Variants in GLIS3 observed in about 807,000 individuals in gnomAD.
GLIS3 encodes zinc finger protein GLIS3.
A neutral mutation model predicts 78.6 loss-of-function variants in GLIS3; 53 were observed. The ratio of observed to expected loss-of-function variants is 0.67; its 90% CI spans 0.54 to 0.85. GLIS3 has a LOEUF of 0.85. GLIS3 is among the 40% of genes least tolerant of loss of function. GLIS3 has a pLI of 0.00. For missense variants in GLIS3, 1,703 were observed against 1,231.1 expected, an observed-to-expected ratio of 1.38 and a Z score of -5.74; for synonymous variants, 684 against 509.9, an observed-to-expected ratio of 1.34 and a Z score of -4.60.
intron 2 of GLIS3, among the ~76,000 whole-genome samples, chr9:4,146,803 G>C (rs1226007976): frequency 6.6e-6 from 1 of 152,144 alleles, no homozygotes; most frequent in African/African-American, 2.4e-5. Context: ...CAGTTCTCTA[G>C]ATAAACACAG....
intron 4 of GLIS3, among the ~76,000 whole-genome samples, chr9:4,048,079 C>A (rs890350083): frequency 2.0e-5 from 3 of 152,212 alleles, no homozygotes; most frequent in African/African-American, 7.2e-5. Flanking sequence ...GATTGGAGAG[C>A]CCTAAATAAA....
chr9:4,085,721 C>T (rs1057275863), intron 4 of GLIS3, among the ~76,000 whole-genome samples: 2 of 152,098 alleles, frequency 1.3e-5, no homozygotes, highest in East Asian at 1.9e-4. Context: ...GTGCTGTCCT[C>T]GCAATAGTCA....
chr9:4,154,134 G>A (rs117258908), intron 2 of GLIS3, among the ~76,000 whole-genome samples: 1 of 152,298 alleles, frequency 6.6e-6, no homozygotes, highest in East Asian at 1.9e-4. Flanking sequence ...GCAGAAAGAG[G>A]GGGCTTTCAG....
intron 4 of GLIS3, among the ~76,000 whole-genome samples, chr9:4,053,723 A>AAAAAAAAAAAAAAAAAAAT (rs33993580): frequency 6.6e-6 from 1 of 151,008 alleles, no homozygotes; most frequent in African/African-American, 2.4e-5. Context: ...AAAAAAAAAA[A>AAAAAAAAAAAAAAAAAAAT]TTCTGGATAG....
At chr9:4,202,317 AT>A (rs1819478285) in intron 2 of GLIS3, among the ~76,000 whole-genome samples, 1 of 150,782 alleles carries the variant, frequency 6.6e-6, no homozygotes. Flanking sequence ...TGCCTGGCTA[AT>A]TTTTTTGTAT....
chr9:4,459,137 G>A, the GLIS3 span, among the ~76,000 whole-genome samples: 1 of 152,160 alleles, frequency 6.6e-6, no homozygotes, highest in Non-Finnish European at 1.5e-5. Flanking sequence ...GAGACAGGGA[G>A]ACTATTTAGG....
At chr9:4,340,377 TG>T (rs950438297) in intron 2 of GLIS3, among the ~76,000 whole-genome samples, 2 of 79,290 alleles carry the variant, frequency 2.5e-5, no homozygotes, top group African/African-American at 9.0e-5. Context: ...AGTGAGGGGG[TG>T]GGGGAAAACT....
At chr9:4,008,713 C>A (rs1022490759) in intron 4 of GLIS3, among the ~76,000 whole-genome samples, 5 of 152,254 alleles carry the variant, frequency 3.3e-5, no homozygotes, top group African/African-American at 1.2e-4. Flanking sequence ...AAAAGAGCCA[C>A]AGGCTGGGAA....
chr9:4,049,964 A>C (rs1376167978), intron 4 of GLIS3, among the ~76,000 whole-genome samples: 7 of 152,078 alleles, frequency 4.6e-5, no homozygotes, highest in Non-Finnish European at 8.8e-5. Context: ...GCTGGAGAGG[A>C]TGTGGAGAAA....
chr9:4,014,007 G>A (rs931017522), intron 4 of GLIS3, among the ~76,000 whole-genome samples: 16 of 152,274 alleles, frequency 1.1e-4, no homozygotes, highest in Middle Eastern at 3.4e-3. Context: ...GTGGCTCACC[G>A]TGATTCTGAG....
intron 7 of GLIS3, among the ~76,000 whole-genome samples, chr9:3,890,525 C>A (rs1458290409): frequency 6.6e-6 from 1 of 152,122 alleles, no homozygotes; most frequent in Non-Finnish European, 1.5e-5. Context: ...GAGAAAAGAA[C>A]ATGAGCATCT....
intron 4 of GLIS3, among the ~76,000 whole-genome samples, chr9:4,043,629 T>A (rs751560687): frequency 6.6e-6 from 1 of 152,168 alleles, no homozygotes; most frequent in Non-Finnish European, 1.5e-5. Context: ...ACTATTCTAC[T>A]GCTGAGTTTG....
At chr9:4,173,760 T>C (rs184108565) in intron 2 of GLIS3, among the ~76,000 whole-genome samples, 163 of 152,176 alleles carry the variant, frequency 1.1e-3, no homozygotes, top group African/African-American at 3.9e-3. Context: ...CCATGCCCAG[T>C]AAGATTTTTC....
the GLIS3 span, among the ~76,000 whole-genome samples, chr9:4,354,709 T>C: frequency 2.6e-5 from 4 of 152,152 alleles, no homozygotes; most frequent in African/African-American, 9.7e-5. Context: ...GAGTGATGCA[T>C]AAGTGTCCCT....
chr9:4,402,476 A>C, the GLIS3 span, among the ~76,000 whole-genome samples: 4 of 152,220 alleles, frequency 2.6e-5, no homozygotes, highest in African/African-American at 7.2e-5. Flanking sequence ...CAAATGAACT[A>C]AATAAGGCAA....
the GLIS3 span, among the ~76,000 whole-genome samples, chr9:4,473,139 C>A: frequency 1.3e-5 from 2 of 152,040 alleles, no homozygotes; most frequent in South Asian, 4.1e-4. Context: ...TTCACAATAG[C>A]CAAGACATGG....
intron 2 of GLIS3, among the ~76,000 whole-genome samples, chr9:4,192,423 C>T (rs1268275500): frequency 6.6e-6 from 1 of 152,126 alleles, no homozygotes; most frequent in Non-Finnish European, 1.5e-5. Flanking sequence ...TAGTTTATAA[C>T]ATCTTTATAT....
chr9:4,144,220 A>AATAGAGTC (rs144329457), intron 2 of GLIS3, among the ~76,000 whole-genome samples: 3,848 of 152,298 alleles, frequency 0.025, 175 homozygotes, highest in African/African-American at 0.088. Context: ...AGGAGGAAAG[A>AATAGAGTC]ATAGAGTCCG....
intron 2 of GLIS3, among the ~76,000 whole-genome samples, chr9:4,130,951 A>G (rs912889259): frequency 1.2e-4 from 18 of 152,252 alleles, no homozygotes; most frequent in Non-Finnish European, 8.8e-5. Flanking sequence ...AAGCCTCAGA[A>G]GCAGAGCTGC....
Sources: allele counts gnomAD v4.1 joint callset (sites outside exome capture counted in the v4.1 genomes callset), GRCh38; gene constraint gnomAD v4.1.1; transcripts MANE v1.5; gene names NCBI Gene and HGNC (gene_info 2026-07-23, HGNC 2026-07-21).